The following C11orf65 variants were observed in gnomAD, a reference collection of about 807,000 sequenced individuals.
C11orf65 encodes the protein chromosome 11 open reading frame 65.
C11orf65 carries 38 observed loss-of-function variants against 35.3 expected under a neutral mutation model. The ratio of observed to expected loss-of-function variants is 1.08; its 90% CI spans 0.83 to 1.41. C11orf65 has a LOEUF of 1.41. Among genes scored for constraint, C11orf65 ranks in the 40% most tolerant of loss-of-function variants. The probability of loss-of-function intolerance (pLI) is 0.00; values close to 1 mark genes in which losing one functional copy is unlikely to be tolerated. For synonymous variants in C11orf65, 105 were observed against 114.4 expected, an observed-to-expected ratio of 0.92 and a Z score of 0.53; for missense variants, 370 against 367.1, an observed-to-expected ratio of 1.01 and a Z score of -0.06.
downstream of C11orf65, chr11:108,330,370 T>G (rs1555123227): frequency 6.2e-7 from 1 of 1,614,178 alleles, no homozygotes; most frequent in Non-Finnish European, 8.5e-7. Context: ...TCCGACTTTG[T>G]TCCCTCTGGC....
At chr11:108,355,087 T>C (rs985873077) in intron 2 of C11orf65, 5 of 571,074 alleles carry the variant, frequency 8.8e-6, no homozygotes, top group Non-Finnish European at 1.6e-5. Context: ...TTTCTTGGAA[T>C]GTTAGAGCAT....
chr11:108,436,144 A>C (rs2093056943), intron 2 of C11orf65, among the ~76,000 whole-genome samples: 1 of 152,054 alleles, frequency 6.6e-6, no homozygotes, highest in African/African-American at 2.4e-5. Flanking sequence ...ATAGAAGGGC[A>C]TAATGAGCCA....
chr11:108,332,357 G>T (rs1272181108), intron 3 of C11orf65, among the ~76,000 whole-genome samples: 1 of 152,086 alleles, frequency 6.6e-6, no homozygotes, highest in Non-Finnish European at 1.5e-5. Flanking sequence ...ACTTGAACTC[G>T]GGAGGCGGAG....
rs2092554927 is a variant in C11orf65 at position 108,407,076 on chromosome 11, A to T, written c.228+20T>A. On this transcript the variant is annotated intron_variant, in intron 4 of 8. Transcript: ENST00000393084. ...AAAATGTGCTTTATAACTACTAAAT[A>T]AGCATTCATCCATACTTACTCCACC... 6.2e-7 allele frequency: 1 copy of T among 1,603,010 alleles called. No individual in the cohort carries two copies. The highest frequency in any genetic ancestry group is 1.3e-5 in the African/African-American group (1 of 74,514).
chr11:108,327,193 T>G (rs572923292), downstream of C11orf65, among the ~76,000 whole-genome samples: 1 of 152,306 alleles, frequency 6.6e-6, no homozygotes, highest in East Asian at 1.9e-4. Flanking sequence ...GAAATCATTA[T>G]ACCAAAGCAC....
chr11:108,342,883 A>C (rs1289388645), intron 2 of C11orf65, among the ~76,000 whole-genome samples: 1 of 152,212 alleles, frequency 6.6e-6, no homozygotes, highest in African/African-American at 2.4e-5. Flanking sequence ...CTAAAATTTT[A>C]AGGAAAGCAG....
At position 108,356,540 on chromosome 11, in the gene C11orf65, TAAAAAA is replaced by T. The variant is rs374615780; in HGVS notation, c.227-21254_227-21249del. Among the ~76,000 whole-genome samples the T allele has an allele frequency of 3.1e-5, 3 of 97,824 alleles. No homozygotes were observed. In the South Asian group the frequency reaches 1.0e-3, roughly 33 times the overall value. 64.2% of individuals were successfully genotyped at this position (97,824 alleles called of 152,430 possible). On this transcript the variant is annotated intron_variant, in intron 2 of 3. Transcript: ENST00000524755. ...GACAAGAGCAAGACTCTGTCTGTCT[TAAAAAA>T]AAAAAAAAAAAAAAGCCCAAACTTT...
rs1591192322 is a variant in C11orf65 at position 108,335,091 on chromosome 11, G to A, written c.299+129C>T. The stretch of plus-strand genomic sequence containing the variant: ...ATTGTGTAGGTTCCGATGGCAAGGA[G>A]AGGAGACAGCTTGTTAAGGTGAGCC... On this transcript the variant is annotated intron_variant, in intron 3 of 3. Transcript: ENST00000524755. 1.9e-6 allele frequency: 3 copies of A among 1,614,080 alleles called. No individual in the cohort carries two copies. The highest frequency in any genetic ancestry group is 2.5e-6 in the Non-Finnish European group (3 of 1,179,982).
chr11:108,451,194 T>C (rs2093343170), intron 2 of C11orf65, among the ~76,000 whole-genome samples: 1 of 151,912 alleles, frequency 6.6e-6, no homozygotes, highest in South Asian at 2.1e-4. Flanking sequence ...GGGTATTCAA[T>C]TAGGAAGAGA....
At chr11:108,391,245 A>G (rs1248364131) in intron 7 of C11orf65, among the ~76,000 whole-genome samples, 2 of 152,178 alleles carry the variant, frequency 1.3e-5, no homozygotes, top group Non-Finnish European at 2.9e-5. Flanking sequence ...ATTGTAGTTG[A>G]GTAAATATTG....
At chr11:108,363,165 G>T (rs1162191542) in intron 2 of C11orf65, among the ~76,000 whole-genome samples, 4 of 151,946 alleles carry the variant, frequency 2.6e-5, no homozygotes, top group Non-Finnish European at 5.9e-5. Flanking sequence ...GCTTTAGGAG[G>T]GTGCTTCTCA....
intron 2 of C11orf65, among the ~76,000 whole-genome samples, chr11:108,353,167 T>G (rs981124327): frequency 3.3e-5 from 5 of 151,914 alleles, no homozygotes; most frequent in Non-Finnish European, 7.4e-5. Flanking sequence ...TTTTTTTTTT[T>G]GATGGAGTTT....
chr11:108,359,377 G>C (rs1020562231), intron 2 of C11orf65, among the ~76,000 whole-genome samples: 1 of 152,002 alleles, frequency 6.6e-6, no homozygotes, highest in Non-Finnish European at 1.5e-5. Flanking sequence ...GTCAACATTA[G>C]ACAGATCAAC....
chr11:108,410,726 T>G (rs2092639490), intron 3 of C11orf65, among the ~76,000 whole-genome samples: 1 of 150,974 alleles, frequency 6.6e-6, no homozygotes, highest in African/African-American at 2.4e-5. Context: ...TTTTTTTTTT[T>G]GAGACAGAGT....
At chr11:108,387,148 C>CTTTTTTTTTTTTTTTTTTTTTTTTTTTTT (rs1175890979) in intron 7 of C11orf65, among the ~76,000 whole-genome samples, 1 of 84,386 alleles carries the variant, frequency 1.2e-5, no homozygotes, top group Non-Finnish European at 2.1e-5. Flanking sequence ...TTCTTTCTTT[C>CTTTTTTTTTTTTTTTTTTTTTTTTTTTTT]TTTTTTTTTT....
At chr11:108,369,918 T>G (rs1019095871) in intron 2 of C11orf65, among the ~76,000 whole-genome samples, 5 of 152,208 alleles carry the variant, frequency 3.3e-5, no homozygotes, top group African/African-American at 1.2e-4. Flanking sequence ...TCTGATGAAC[T>G]GCCTGTACGT....
rs572846170 is a variant in C11orf65 at position 108,382,773 on chromosome 11, T to C, written c.*248A>G. On this transcript the variant is annotated 3_prime_UTR_variant, in exon 9 of 9. Coordinates refer to ENST00000393084, the MANE Select transcript of C11orf65 (RefSeq NM_152587.5). ...AAGCTTCTTGCACCTAAATGTAGTC[T>C]CTTTACTTAAGTGTGACTGTTAGAA... is the stretch of plus-strand genomic sequence containing the variant. 3.4e-4 allele frequency: 333 copies of C among 984,128 alleles called. No homozygotes were observed. Among genetic ancestry groups the C allele is most frequent in the South Asian group, 7.1e-4 (15 of 21,258 alleles). 61.0% of individuals were successfully genotyped at this position (984,128 alleles called of 1,614,324 possible).
At chr11:108,372,030 G>A (rs746924212) in intron 2 of C11orf65, among the ~76,000 whole-genome samples, 3 of 152,126 alleles carry the variant, frequency 2.0e-5, no homozygotes, top group Non-Finnish European at 2.9e-5. Context: ...TTCAATTGAC[G>A]GTTTCAAAAC....
chr11:108,368,899 C>T, intron 2 of C11orf65: 1 of 199,802 alleles, frequency 5.0e-6, no homozygotes, highest in Non-Finnish European at 1.0e-5. Flanking sequence ...AAACTTTGGA[C>T]AGCGTAAAGA....
Sources: gnomAD v4.1 joint callset for allele counts (sites outside exome capture counted in the v4.1 genomes callset) on GRCh38, gnomAD v4.1.1 for gene constraint, MANE v1.5 for transcripts, NCBI Gene and HGNC (gene_info 2026-07-23, HGNC 2026-07-21) for gene names.